The following PUDP variants were observed in gnomAD, a reference collection of about 807,000 sequenced individuals.
PUDP encodes pseudouridine 5'-phosphatase, also known as pseudouridine-5'-phosphatase.
A neutral mutation model predicts 9.4 loss-of-function variants in PUDP; 8 were observed. That is an observed-to-expected ratio of 0.85 (90% CI 0.50 to 1.53). The LOEUF is 1.53. Ranked by LOEUF, PUDP falls within the 40% of genes most tolerant of loss-of-function variation. The pLI, the probability that PUDP is intolerant of heterozygous loss-of-function variation, is 0.00. For missense variants in PUDP, 188 were observed against 189.7 expected (o/e 0.99, Z 0.05); for synonymous variants, 99 against 80.7 (o/e 1.23, Z -1.22).
rs1366502870 is a variant in PUDP, at chrX:6,957,074, A to G, written c.*247+20059T>C. Among the ~76,000 whole-genome samples, 5 of 112,441 alleles carry G rather than the reference A, an allele frequency of 4.4e-5. No homozygotes were observed. The Admixed American group carries it at 4.7e-4, about 11-fold the overall frequency. On this transcript the variant is annotated intron_variant and NMD_transcript_variant, in intron 3 of 3. Coordinates refer to the PUDP transcript ENST00000655425. ...AAGAAAACCACTTCCATAATGGGAA[A>G]TTCTCATCTATCCTTTTACTAGAAG...
At chrX:6,731,034 A>T (rs1924801860) in intron 3 of PUDP, among the ~76,000 whole-genome samples, 1 of 107,828 alleles carries the variant, frequency 9.3e-6, no homozygotes, top group African/African-American at 3.4e-5. Flanking sequence ...CTATAGTCCA[A>T]ACCCTTGCCA....
intron 1 of PUDP, among the ~76,000 whole-genome samples, chrX:6,999,986 C>A (rs903601728): frequency 9.1e-6 from 1 of 110,078 alleles, no homozygotes; most frequent in African/African-American, 3.3e-5. Context: ...GGGCAGGAAT[C>A]AAGACATTGT....
chrX:6,951,906 T>C (rs1472903733), intron 3 of PUDP, among the ~76,000 whole-genome samples: 1 of 112,135 alleles, frequency 8.9e-6, no homozygotes, highest in East Asian at 2.8e-4. Flanking sequence ...CCTTAGTTTC[T>C]TAGAGGAGAA....
At chrX:6,938,966 A>C (rs1162958856) in intron 3 of PUDP, among the ~76,000 whole-genome samples, 1 of 110,458 alleles carries the variant, frequency 9.1e-6, no homozygotes, top group Non-Finnish European at 1.9e-5. Flanking sequence ...ATTCTGGTGG[A>C]CTAATTATAA....
At chrX:6,932,628 T>C (rs1928211206) in intron 3 of PUDP, among the ~76,000 whole-genome samples, 1 of 99,570 alleles carries the variant, frequency 1.0e-5, no homozygotes, top group Non-Finnish European at 2.1e-5. Context: ...CGCAGGTCAG[T>C]GGGTGCGCGC....
chrX:6,997,401 G>A (rs1929266290), intron 1 of PUDP, among the ~76,000 whole-genome samples: 1 of 111,961 alleles, frequency 8.9e-6, no homozygotes, highest in African/African-American at 3.2e-5. Flanking sequence ...AGAATAGCCT[G>A]CAGAGAGGTG....
intron 2 of PUDP, among the ~76,000 whole-genome samples, chrX:7,088,975 A>C (rs1931346252): frequency 8.9e-6 from 1 of 112,147 alleles, no homozygotes; most frequent in Non-Finnish European, 1.9e-5. Flanking sequence ...GAACAGCATA[A>C]TATCAACAAA....
intron 3 of PUDP, among the ~76,000 whole-genome samples, chrX:6,838,837 T>C (rs1355247274): frequency 8.9e-6 from 1 of 112,100 alleles, no homozygotes; most frequent in African/African-American, 3.2e-5. Context: ...TCTTTGCTAG[T>C]AGAATAAAGA....
At chrX:6,857,521 C>G (rs1275790718) in intron 3 of PUDP, among the ~76,000 whole-genome samples, 3 of 112,442 alleles carry the variant, frequency 2.7e-5, no homozygotes, top group African/African-American at 6.5e-5. Flanking sequence ...GCAGCCTCAA[C>G]CTCCTAGGCT....
intron 3 of PUDP, among the ~76,000 whole-genome samples, chrX:6,837,271 A>C (rs1234490166): frequency 2.7e-5 from 3 of 112,430 alleles, no homozygotes; most frequent in Non-Finnish European, 5.6e-5. Flanking sequence ...AGGAGGAGAA[A>C]ATATTTCCTT....
intron 3 of PUDP, among the ~76,000 whole-genome samples, chrX:6,734,665 G>A (rs1924852629): frequency 9.0e-6 from 1 of 111,698 alleles, no homozygotes; most frequent in Non-Finnish European, 1.9e-5. Context: ...AGCAGGCTGA[G>A]GTGGGAGGAT....
chrX:6,943,869 C>T (rs1396966368), intron 3 of PUDP, among the ~76,000 whole-genome samples: 1 of 111,599 alleles, frequency 9.0e-6, no homozygotes, highest in Non-Finnish European at 1.9e-5. Flanking sequence ...TTAAACACAT[C>T]CATTCTCTGC....
intron 3 of PUDP, among the ~76,000 whole-genome samples, chrX:6,818,556 C>T (rs1926288267): frequency 8.9e-6 from 1 of 112,405 alleles, no homozygotes; most frequent in Non-Finnish European, 1.9e-5. Flanking sequence ...TACACCAAGT[C>T]AGTCAATCCT....
chrX:6,874,647 C>T (rs138800479), intron 3 of PUDP, among the ~76,000 whole-genome samples: 13 of 112,281 alleles, frequency 1.2e-4, no homozygotes, highest in African/African-American at 2.9e-4. Flanking sequence ...CATCTAGATG[C>T]CAATCAAATC....
At chrX:7,082,855 G>C (rs1243863948) in intron 2 of PUDP, among the ~76,000 whole-genome samples, 1 of 112,945 alleles carries the variant, frequency 8.9e-6, no homozygotes, top group Non-Finnish European at 1.9e-5. Context: ...CAAAAGCTTT[G>C]TGTGACTGAG....
At chrX:7,028,281 T>C (rs1929746338) in intron 1 of PUDP, among the ~76,000 whole-genome samples, 1 of 110,546 alleles carries the variant, frequency 9.0e-6, no homozygotes, top group South Asian at 3.8e-4. Context: ...TAAACATGTA[T>C]TACTGAGTAC....
At chrX:6,756,540 C>T (rs187839533) in intron 3 of PUDP, among the ~76,000 whole-genome samples, 174 of 111,975 alleles carry the variant, frequency 1.6e-3, no homozygotes, top group Admixed American at 2.5e-3. Flanking sequence ...GCCACTGAAT[C>T]GCACACTTTA....
intron 2 of PUDP, among the ~76,000 whole-genome samples, chrX:7,094,607 G>A (rs1205228853): frequency 2.7e-5 from 3 of 110,770 alleles, no homozygotes; most frequent in African/African-American, 3.3e-5. Flanking sequence ...TGATCCGCCC[G>A]TCTCGACCTC....
chrX:7,098,004 G>A (rs185396528), intron 2 of PUDP, among the ~76,000 whole-genome samples: 2 of 111,002 alleles, frequency 1.8e-5, no homozygotes, highest in Admixed American at 9.6e-5. Context: ...GCTTTTCAAC[G>A]AAGCCGAGCA....
Sources: gnomAD v4.1 joint callset for allele counts (sites outside exome capture counted in the v4.1 genomes callset) on GRCh38, gnomAD v4.1.1 for gene constraint, MANE v1.5 for transcripts, NCBI Gene and HGNC (gene_info 2026-07-23, HGNC 2026-07-21) for gene names.